Variants in PTPN14 observed in about 807,000 individuals in gnomAD.
PTPN14 encodes tyrosine-protein phosphatase non-receptor type 14.
In PTPN14, 53 loss-of-function variants were observed where a neutral mutation model predicts 126.8. The observed-to-expected ratio is 0.42, with a 90% confidence interval of 0.34 to 0.53. The LOEUF is 0.53. Ranked by LOEUF, PTPN14 falls within the 20% of genes least tolerant of loss-of-function variation. PTPN14 has a pLI of 0.08. For synonymous variants in PTPN14, 630 were observed against 599.3 expected, an observed-to-expected ratio of 1.05 and a Z score of -0.75; for missense variants, 1,257 against 1,552.9, an observed-to-expected ratio of 0.81 and a Z score of 3.20.
chr1:214,477,176 C>A (rs1660885797), intron 1 of PTPN14, among the ~76,000 whole-genome samples: 1 of 152,154 alleles, frequency 6.6e-6, no homozygotes, highest in South Asian at 2.1e-4. Context: ...GCAATCACTT[C>A]TCCAGAGCCA....
chr1:214,406,673 T>C (rs1424858799), intron 5 of PTPN14, among the ~76,000 whole-genome samples: 1 of 152,148 alleles, frequency 6.6e-6, no homozygotes, highest in Non-Finnish European at 1.5e-5. Context: ...ATTTATGAAG[T>C]TTATGCTGTT....
At position 214,351,882 on chromosome 1, in the gene PTPN14, A is replaced by G. The variant is rs961424612; in HGVS notation, c.*6040T>C. On this transcript the variant is annotated 3_prime_UTR_variant, in exon 19 of 19. Transcript: ENST00000366956. ...GAGTTCAGAAAATTATTTGTGAAAC[A>G]GAGAACTTTTGGATAGCAACTTCAG... The G allele has an allele frequency of 4.6e-5, 7 of 152,232 alleles. No individual in the cohort carries two copies. The highest frequency in any genetic ancestry group is 1.7e-4 in the African/African-American group (7 of 41,460). 9.4% of individuals were successfully genotyped at this position (152,232 alleles called of 1,614,324 possible).
At chr1:214,470,365 A>T (rs1660726429) in intron 1 of PTPN14, among the ~76,000 whole-genome samples, 1 of 152,200 alleles carries the variant, frequency 6.6e-6, no homozygotes, top group South Asian at 2.1e-4. Context: ...TCTAATTTCA[A>T]AACAATCTTC....
intron 1 of PTPN14, chr1:214,533,178 G>A: frequency 1.3e-6 from 1 of 754,266 alleles, no homozygotes; most frequent in Admixed American, 2.0e-5. Flanking sequence ...ACACCCTGCA[G>A]ATGGAGCAGC....
In PTPN14 at chr1:214,380,151, T is replaced by C. The variant is rs572763988; in HGVS notation, c.2545-2049A>G. On this transcript the variant is annotated intron_variant, in intron 13 of 18. Transcript: ENST00000366956. Reference sequence around the variant, plus strand: ...GAAAGAGTTTTTCTTTCTTTTTTTTTATTTCTGCCACCTCTTTCACTTGGG... The same window carrying C: ...GAAAGAGTTTTTCTTTCTTTTTTTTCATTTCTGCCACCTCTTTCACTTGGG... Among the ~76,000 whole-genome samples, 6 of 152,276 alleles carry C rather than the reference T, an allele frequency of 3.9e-5. No individual in the cohort carries two copies. The South Asian group carries it at 1.2e-3, about 32-fold the overall frequency.
intron 3 of PTPN14, among the ~76,000 whole-genome samples, chr1:214,423,369 C>T (rs1426482922): frequency 6.6e-6 from 1 of 152,120 alleles, no homozygotes; most frequent in East Asian, 1.9e-4. Flanking sequence ...AAGAAATTCC[C>T]AGCCCATGTT....
At chr1:214,514,885 G>C (rs1474664615) in intron 1 of PTPN14, among the ~76,000 whole-genome samples, 2 of 152,148 alleles carry the variant, frequency 1.3e-5, no homozygotes, top group African/African-American at 4.8e-5. Flanking sequence ...CCCAGCATGT[G>C]GACCAGAGCA....
At chr1:214,495,303 A>C (rs1661335262) in intron 1 of PTPN14, among the ~76,000 whole-genome samples, 1 of 152,218 alleles carries the variant, frequency 6.6e-6, no homozygotes, top group Admixed American at 6.5e-5. Flanking sequence ...AAGATAATGT[A>C]TATAAAGCAC....
chr1:214,456,460 G>A (rs941099592), intron 2 of PTPN14, among the ~76,000 whole-genome samples: 2 of 152,198 alleles, frequency 1.3e-5, no homozygotes, highest in Admixed American at 1.3e-4. Flanking sequence ...CTGTACATCA[G>A]TTGGATAACG....
At chr1:214,516,742 A>G (rs913363653) in intron 1 of PTPN14, among the ~76,000 whole-genome samples, 2 of 149,852 alleles carry the variant, frequency 1.3e-5, no homozygotes, top group Admixed American at 6.6e-5. Flanking sequence ...ATTAATTTTG[A>G]TATTAAAAAA....
At chr1:214,428,261 A>G (rs1210841636) in intron 3 of PTPN14, among the ~76,000 whole-genome samples, 1 of 152,254 alleles carries the variant, frequency 6.6e-6, no homozygotes, top group East Asian at 1.9e-4. Context: ...TATGGGAGAA[A>G]GAATTCAAGG....
In PTPN14 at chr1:214,396,899, A is replaced by T. The variant is rs115551131; in HGVS notation, c.758+1014T>A. On this transcript the variant is annotated intron_variant, in intron 8 of 18. Coordinates refer to ENST00000366956, the MANE Select transcript of PTPN14 (RefSeq NM_005401.5). ...TAGTTACAACTCTGCACATATTTAC[A>T]TATTTTCCTCAATTAATTTATACTT... Among the ~76,000 whole-genome samples, 940 of 152,328 alleles carry T rather than the reference A, an allele frequency of 6.2e-3. 8 individuals are homozygous for T. Among genetic ancestry groups the T allele is most frequent in the African/African-American group, 0.021 (887 of 41,564 alleles).
At chr1:214,375,145 G>C (rs1658313592) in intron 15 of PTPN14, among the ~76,000 whole-genome samples, 1 of 151,852 alleles carries the variant, frequency 6.6e-6, no homozygotes, top group Non-Finnish European at 1.5e-5. Context: ...AAAAACTATG[G>C]TTATCTGTGT....
At chr1:214,510,720 T>A (rs539573615) in intron 1 of PTPN14, among the ~76,000 whole-genome samples, 1 of 152,178 alleles carries the variant, frequency 6.6e-6, no homozygotes, top group African/African-American at 2.4e-5. Flanking sequence ...TTTGGACACA[T>A]AGCTAGAGAC....
chr1:214,550,127 T>A (rs1656069693), intron 1 of PTPN14, among the ~76,000 whole-genome samples: 1 of 152,210 alleles, frequency 6.6e-6, no homozygotes, highest in African/African-American at 2.4e-5. Context: ...GTATTATCAT[T>A]CTTCACCGGC....
intron 7 of PTPN14, among the ~76,000 whole-genome samples, chr1:214,400,764 G>C (rs1347704957): frequency 1.3e-5 from 2 of 152,204 alleles, no homozygotes; most frequent in Non-Finnish European, 2.9e-5. Flanking sequence ...GCAGCTATTA[G>C]AGAAGCAAAA....
chr1:214,473,658 T>C (rs1660808634), intron 1 of PTPN14, among the ~76,000 whole-genome samples: 1 of 152,192 alleles, frequency 6.6e-6, no homozygotes, highest in Non-Finnish European at 1.5e-5. Flanking sequence ...TGTATAAACC[T>C]GCATAGGGCA....
chr1:214,509,615 T>C (rs923761088), intron 1 of PTPN14, among the ~76,000 whole-genome samples: 2 of 152,220 alleles, frequency 1.3e-5, no homozygotes, highest in Non-Finnish European at 2.9e-5. Context: ...TCAAGAACTT[T>C]TCCTTTCAGT....
intron 3 of PTPN14, among the ~76,000 whole-genome samples, chr1:214,443,407 G>A (rs553461957): frequency 6.6e-5 from 10 of 152,174 alleles, no homozygotes; most frequent in South Asian, 4.1e-4. Context: ...GGTTACCAGC[G>A]CTACATTTCT....
Sources: gnomAD v4.1 joint callset for allele counts (sites outside exome capture counted in the v4.1 genomes callset) on GRCh38, gnomAD v4.1.1 for gene constraint, MANE v1.5 for transcripts, NCBI Gene and HGNC (gene_info 2026-07-23, HGNC 2026-07-21) for gene names.